Variants in GCC2 observed in about 807,000 individuals in gnomAD.
The protein encoded by GCC2 is GRIP and coiled-coil domain-containing protein 2.
GCC2 carries 120 observed loss-of-function variants against 210.6 expected under a neutral mutation model. The ratio of observed to expected loss-of-function variants is 0.57; its 90% CI spans 0.49 to 0.66. The LOEUF (loss-of-function observed/expected upper bound fraction) is 0.66. Ranked by LOEUF, GCC2 falls within the 30% of genes least tolerant of loss-of-function variation. The pLI, the probability that GCC2 is intolerant of heterozygous loss-of-function variation, is 0.00. For synonymous variants in GCC2, 703 were observed against 652.7 expected, an observed-to-expected ratio of 1.08 and a Z score of -1.17; for missense variants, 1,868 against 1,871.9, an observed-to-expected ratio of 1.00 and a Z score of 0.04.
chr2:108,459,860 G>A (rs1177568542), intron 4 of GCC2, among the ~76,000 whole-genome samples: 2 of 145,872 alleles, frequency 1.4e-5, no homozygotes, highest in East Asian at 2.1e-4. Flanking sequence ...AACCTGGAAT[G>A]CAGAGGTTGT....
At chr2:108,479,918 G>C (rs766440284) in intron 9 of GCC2, among the ~76,000 whole-genome samples, 3 of 148,314 alleles carry the variant, frequency 2.0e-5, no homozygotes, top group Non-Finnish European at 4.4e-5. Flanking sequence ...AGAGGCGAAG[G>C]CTGCAGTAAG....
chr2:108,485,698 G>A lies in GCC2; in HGVS notation c.3676G>A (p.Val1226Met), dbSNP rs369363942. ...EKNTKIKQLL[V>M]KTKKELADSK... The stretch of plus-strand genomic sequence containing the variant: ...AAACACCAAAATCAAGCAATTGCTT[G>A]TGAAAACCAAAAAGGAACTGGCAGA... The change falls in exon 14 of 23, where the codon GTG becomes ATG. Residue 1226 changes from valine to methionine, a missense_variant. By Grantham distance (21) the Val-to-Met change is conservative. This residue lies in a region of GCC2 where 1,847 missense variants were observed against 1,765.2 expected (regional missense o/e 1.05). Transcript: ENST00000309863. 19 of 1,599,188 alleles carry A rather than the reference G, an allele frequency of 1.2e-5. No individual in the cohort carries two copies. The highest frequency in any genetic ancestry group is 9.4e-5 in the African/African-American group (7 of 74,158).
intron 22 of GCC2, among the ~76,000 whole-genome samples, chr2:108,503,421 T>C (rs2917981): frequency 2.0e-5 from 3 of 152,332 alleles, no homozygotes; most frequent in African/African-American, 7.2e-5. Flanking sequence ...TGATGTACTT[T>C]AAGCAAAAAG....
intron 4 of GCC2, among the ~76,000 whole-genome samples, chr2:108,468,016 T>C (rs946147608): frequency 5.9e-5 from 9 of 152,082 alleles, no homozygotes; most frequent in Admixed American, 3.3e-4. Context: ...TCCATTTCCA[T>C]TGAGTTTTCA....
At chr2:108,450,382 G>A (rs1679867409) in intron 2 of GCC2, among the ~76,000 whole-genome samples, 1 of 152,188 alleles carries the variant, frequency 6.6e-6, no homozygotes, top group Non-Finnish European at 1.5e-5. Context: ...GCCTTGAATA[G>A]AATGAAATAA....
chr2:108,458,687 C>G (rs912488480), intron 4 of GCC2, among the ~76,000 whole-genome samples: 1 of 151,972 alleles, frequency 6.6e-6, no homozygotes, highest in Non-Finnish European at 1.5e-5. Flanking sequence ...TCCATTTCCT[C>G]TAGGTTTTCC....
At chr2:108,482,531 C>A in intron 11 of GCC2, 80 bp downstream of exon 11, 1 of 686,000 alleles carries the variant, frequency 1.5e-6, no homozygotes, top group Non-Finnish European at 2.5e-6. Context: ...GGAAGACTTA[C>A]TAAGAGTAGC....
In GCC2 at chr2:108,487,705, C is replaced by G. The variant is rs148977033; in HGVS notation, c.3937C>G (p.Gln1313Glu). 2 of 1,612,370 alleles carry G rather than the reference C, an allele frequency of 1.2e-6. No individual in the cohort carries two copies. The highest frequency in any genetic ancestry group is 1.7e-6 in the Non-Finnish European group (2 of 1,179,118). The stretch of plus-strand genomic sequence containing the variant: ...TCTCTTTTAAATGTTATAGGCAGAA[C>G]AAGCTACTGTAACCTCTGAATTCGA... The part of the protein sequence containing the change: ...QEECRAAKAE[Q>E]ATVTSEFESY... The change falls in exon 17 of 23, where the codon CAA (glutamine) becomes GAA (glutamate). Residue 1313 changes from glutamine to glutamate, a missense_variant. Gln to Glu is a conservative substitution (Grantham distance 29, BLOSUM62 2). Coordinates refer to ENST00000309863, the MANE Select transcript of GCC2 (RefSeq NM_181453.4).
intron 4 of GCC2, among the ~76,000 whole-genome samples, chr2:108,467,122 A>G (rs1680939070): frequency 6.6e-6 from 1 of 152,040 alleles, no homozygotes; most frequent in South Asian, 2.1e-4. Flanking sequence ...ACTTTCCCAT[A>G]TACGTTTAGA....
chr2:108,449,706 A>C lies in GCC2; in HGVS notation c.63+17A>C, dbSNP rs181041821. 23 of 1,605,828 alleles carry C rather than the reference A, an allele frequency of 1.4e-5. No homozygotes were observed. In the African/African-American group the frequency reaches 2.7e-4, roughly 19 times the overall value. On this transcript the variant is annotated intron_variant, in intron 2 of 22. Coordinates refer to ENST00000309863, the MANE Select transcript of GCC2 (RefSeq NM_181453.4). ...AAATCTAAGGTGAAGAGAATACTTG[A>C]ATAGCGGGCTTCCTGAAGAGTGGAA... is the stretch of plus-strand genomic sequence containing the variant.
At chr2:108,466,503 C>T (rs989106175) in intron 4 of GCC2, among the ~76,000 whole-genome samples, 21 of 151,712 alleles carry the variant, frequency 1.4e-4, no homozygotes, top group Admixed American at 1.2e-3. Context: ...GACAGAGTCT[C>T]GCTCTGTCAC....
chr2:108,461,548 C>T (rs185853815), intron 4 of GCC2, among the ~76,000 whole-genome samples: 31 of 152,206 alleles, frequency 2.0e-4, no homozygotes, highest in Middle Eastern at 3.4e-3. Flanking sequence ...TCTTGTGGCC[C>T]AGGCTGGAGT....
chr2:108,468,994 T>C lies in GCC2; in HGVS notation c.231T>C (p.Arg77=). ...TTCTAAAATAGGCATTAACTGAACG[T>C]CTGGATGCTCTTCTTCTGGAAAAAG... is the stretch of plus-strand genomic sequence containing the variant. ...TGDIIKALTE[R]LDALLLEKAE... is the part of the protein sequence containing the mutation. Residue 77 remains arginine (R), a synonymous_variant, in exon 5 of 23, where the codon CGT becomes CGC. Transcript: ENST00000309863. The C allele has an allele frequency of 6.2e-7, 1 of 1,610,612 alleles. No homozygotes were observed. The highest frequency in any genetic ancestry group is 8.5e-7 in the Non-Finnish European group (1 of 1,176,976).
Position 108,495,411 on chromosome 2 carries a change from C to A in GCC2, c.4568C>A (p.Thr1523Lys). Residue 1523 changes from threonine to lysine, a missense_variant, in exon 20 of 23, where the codon ACG becomes AAG. By Grantham distance (78) the Thr-to-Lys change is moderately conservative (BLOSUM62 -1). Transcript: ENST00000309863. ...GGAGAAGGCATGGAGACAACTGATA[C>A]GGAGTCTGTGTCTTCCGCCAGCACA... Reference protein sequence around the residue: ...EEGEGMETTDTESVSSASTYT... With the variant: ...EEGEGMETTDKESVSSASTYT... 6.3e-7 allele frequency: 1 copy of A among 1,589,414 alleles called. No homozygotes were observed. Among genetic ancestry groups the A allele is most frequent in the South Asian group, 1.1e-5 (1 of 90,796 alleles).
rs1682607840 is a variant in GCC2 at position 108,495,486 on chromosome 2, G to A, written c.4642+1G>A. 6.3e-7 allele frequency: 1 copy of A among 1,576,696 alleles called. No individual in the cohort carries two copies. The highest frequency in any genetic ancestry group is 8.6e-7 in the Non-Finnish European group (1 of 1,163,730). On this transcript the variant is annotated splice_donor_variant, in intron 20 of 22. Transcript: ENST00000309863. LOFTEE classifies it high-confidence loss of function. Reference sequence around the variant, plus strand: ...CTTAACTCTCCCGAAACTAAACTTGGTATGTTACTCTGTCTAAATATGTTT... The same window carrying A: ...CTTAACTCTCCCGAAACTAAACTTGATATGTTACTCTGTCTAAATATGTTT...
Position 108,471,297 on chromosome 2 carries a change from A to G in GCC2, c.1968A>G (p.Leu656=), listed in dbSNP as rs1681203614. Residue 656 remains leucine, a synonymous_variant, in exon 6 of 23, where the codon TTA becomes TTG. Transcript: ENST00000309863. Reference sequence around the variant, plus strand: ...TAACAGGAGGACTAGAGGAGACTTTAAAAGAAAAGGATCAAAATGACCAAA... The same window carrying G: ...TAACAGGAGGACTAGAGGAGACTTTGAAAGAAAAGGATCAAAATGACCAAA... ...NELTGGLEET[L]KEKDQNDQKL... The G allele has an allele frequency of 6.2e-7, 1 of 1,611,914 alleles. No individual in the cohort carries two copies. The highest frequency in any genetic ancestry group is 1.3e-5 in the African/African-American group (1 of 74,922).
chr2:108,475,039 C>G (rs189908319), intron 7 of GCC2: 1 of 152,312 alleles, frequency 6.6e-6, no homozygotes, highest in African/African-American at 2.4e-5. Context: ...GTCCTGAACT[C>G]AGGAGTTCAA....
intron 10 of GCC2, 86 bp from the exon 11 acceptor site, chr2:108,482,201 A>G (rs1681895651): frequency 5.3e-6 from 4 of 754,616 alleles, no homozygotes; most frequent in East Asian, 5.0e-5. Context: ...CACTATGCCA[A>G]TATTCTCATT....
intron 19 of GCC2, among the ~76,000 whole-genome samples, chr2:108,493,049 G>A (rs1222650399): frequency 6.6e-6 from 1 of 152,174 alleles, no homozygotes; most frequent in Non-Finnish European, 1.5e-5. Context: ...ATGGAAAGGA[G>A]TATTTCTTTT....
Sources: allele counts gnomAD v4.1 joint callset (sites outside exome capture counted in the v4.1 genomes callset), GRCh38; gene constraint gnomAD v4.1.1; regional missense constraint gnomAD v4.1.1; transcripts MANE v1.5; gene names NCBI Gene and HGNC (gene_info 2026-07-23, HGNC 2026-07-21).